Variants in SCMH1 observed in about 807,000 individuals in gnomAD.
SCMH1 encodes the protein Scm polycomb group protein homolog 1.
Under a neutral mutation model 70.8 loss-of-function variants are expected in SCMH1, and 37 were observed. The ratio of observed to expected loss-of-function variants is 0.52; its 90% CI spans 0.40 to 0.69. The LOEUF (loss-of-function observed/expected upper bound fraction) is 0.69, where lower values mean the gene tolerates loss of function less well. Ranked by LOEUF, SCMH1 falls within the 30% of genes least tolerant of loss-of-function variation. SCMH1 has a pLI of 0.00. For synonymous variants in SCMH1, 292 were observed against 307.4 expected (o/e 0.95, Z 0.52); for missense variants, 607 against 827.3 (o/e 0.73, Z 3.27).
chr1:41,181,152 A>C (rs1648637484), intron 2 of SCMH1, among the ~76,000 whole-genome samples: 1 of 152,208 alleles, frequency 6.6e-6, no homozygotes, highest in South Asian at 2.1e-4. Context: ...CATATGTAGA[A>C]AGCTGAAACT....
At chr1:41,112,959 G>A (rs16827906) in intron 8 of SCMH1, among the ~76,000 whole-genome samples, 236 of 152,232 alleles carry the variant, frequency 1.6e-3, no homozygotes, top group African/African-American at 5.4e-3. Flanking sequence ...GTGTGCCTTG[G>A]GAATACTAGT....
chr1:41,194,675 A>C (rs1652560778), intron 1 of SCMH1, among the ~76,000 whole-genome samples: 1 of 152,194 alleles, frequency 6.6e-6, no homozygotes, highest in Admixed American at 6.5e-5. Context: ...TAATTTATTA[A>C]TTTACTGTGA....
chr1:41,063,585 AAAAAC>A (rs1292650112), intron 10 of SCMH1, among the ~76,000 whole-genome samples: 3 of 151,878 alleles, frequency 2.0e-5, no homozygotes, highest in Non-Finnish European at 4.4e-5. Context: ...AAACAAACAA[AAAAAC>A]AAAACAAACA....
exon 12 of SCMH1, chr1:41,046,488 A>G (rs1252519203): frequency 6.2e-7 from 1 of 1,614,106 alleles, no homozygotes; most frequent in Admixed American, 1.7e-5. Flanking sequence ...TGGTTGCCAA[A>G]CAGATTGTCA....
At chr1:41,121,479 G>A (rs1671924494) in intron 6 of SCMH1, among the ~76,000 whole-genome samples, 1 of 152,154 alleles carries the variant, frequency 6.6e-6, no homozygotes, top group Non-Finnish European at 1.5e-5. Flanking sequence ...GATGAAAACA[G>A]TAATTTGAGG....
At chr1:41,081,339 A>G (rs548954449) in intron 8 of SCMH1, among the ~76,000 whole-genome samples, 147 of 152,330 alleles carry the variant, frequency 9.7e-4, no homozygotes, top group Middle Eastern at 3.4e-3. Flanking sequence ...TGCAATTCCA[A>G]TAGAAATCTC....
intron 1 of SCMH1, among the ~76,000 whole-genome samples, chr1:41,191,138 G>T (rs1651626989): frequency 2.0e-5 from 3 of 152,210 alleles, no homozygotes; most frequent in African/African-American, 7.2e-5. Context: ...GCCTCCCAAA[G>T]TTCTGGGATT....
chr1:41,047,283 AAAG>A (rs1646979317), intron 11 of SCMH1, among the ~76,000 whole-genome samples: 3 of 152,152 alleles, frequency 2.0e-5, no homozygotes, highest in African/African-American at 4.8e-5. Flanking sequence ...GAGAGGCAGT[AAAG>A]AAGGCCAGGT....
At chr1:41,161,869 T>C (rs1646061390) in intron 2 of SCMH1, among the ~76,000 whole-genome samples, 1 of 152,204 alleles carries the variant, frequency 6.6e-6, no homozygotes, top group Admixed American at 6.5e-5. Context: ...CAAAACTTCA[T>C]GCTAAGGTCC....
At chr1:41,038,513 T>G (rs1262612457) in intron 12 of SCMH1, among the ~76,000 whole-genome samples, 1 of 152,182 alleles carries the variant, frequency 6.6e-6, no homozygotes, top group Admixed American at 6.5e-5. Flanking sequence ...AACACTAAAT[T>G]TGAGCACATG....
At chr1:41,235,849 T>C (rs1026377860) in intron 1 of SCMH1, among the ~76,000 whole-genome samples, 2 of 152,184 alleles carry the variant, frequency 1.3e-5, no homozygotes, top group African/African-American at 4.8e-5. Flanking sequence ...AAGCTTTATA[T>C]AAATGTGTTC....
At chr1:41,071,627 A>G (rs1304094418) in intron 9 of SCMH1, among the ~76,000 whole-genome samples, 1 of 151,936 alleles carries the variant, frequency 6.6e-6, no homozygotes, top group Non-Finnish European at 1.5e-5. Context: ...TTTTTGGGGG[A>G]GAAAGATCTC....
chr1:41,031,081 G>A (rs1283115304), intron 13 of SCMH1, among the ~76,000 whole-genome samples: 1 of 152,128 alleles, frequency 6.6e-6, no homozygotes, highest in Non-Finnish European at 1.5e-5. Context: ...GAGGCCGGGA[G>A]TTTGAGACCA....
chr1:41,116,718 G>A (rs1197722883), intron 7 of SCMH1, among the ~76,000 whole-genome samples: 3 of 152,132 alleles, frequency 2.0e-5, no homozygotes. Flanking sequence ...ATTACTGGAA[G>A]CTGGGACCAT....
intron 6 of SCMH1, among the ~76,000 whole-genome samples, chr1:41,133,982 A>G (rs1409911152): frequency 6.6e-6 from 1 of 152,204 alleles, no homozygotes. Flanking sequence ...CACAACAAAA[A>G]AACAGAATTT....
chr1:41,049,628 A>C (rs959823202), intron 10 of SCMH1, among the ~76,000 whole-genome samples: 1 of 150,820 alleles, frequency 6.6e-6, no homozygotes. Context: ...ATAGCCGGGC[A>C]TGGTGGTGGG....
chr1:41,135,424 T>C (rs1298470822), intron 6 of SCMH1, among the ~76,000 whole-genome samples: 1 of 152,152 alleles, frequency 6.6e-6, no homozygotes, highest in African/African-American at 2.4e-5. Flanking sequence ...TGATAATGAG[T>C]AAGTTCTCAC....
At chr1:41,035,566 A>G (rs777024413) in intron 13 of SCMH1, among the ~76,000 whole-genome samples, 6 of 152,140 alleles carry the variant, frequency 3.9e-5, no homozygotes, top group Non-Finnish European at 7.4e-5. Flanking sequence ...ACTGATGGAC[A>G]CACTCAATCT....
intron 2 of SCMH1, among the ~76,000 whole-genome samples, chr1:41,167,459 A>T (rs2148477105): frequency 6.6e-6 from 1 of 152,232 alleles, no homozygotes; most frequent in Non-Finnish European, 1.5e-5. Context: ...GTTCTTCTTT[A>T]AGTGTCTGGT....
Sources: gnomAD v4.1 joint callset for allele counts (sites outside exome capture counted in the v4.1 genomes callset) on GRCh38, gnomAD v4.1.1 for gene constraint, MANE v1.5 for transcripts, NCBI Gene and HGNC (gene_info 2026-07-23, HGNC 2026-07-21) for gene names.